Variants in ENOX1 observed in about 807,000 individuals in gnomAD.
ENOX1 encodes the protein candidate growth-related and time keeping constitutive hydroquinone (NADH) oxidase.
Under a neutral mutation model 82.5 loss-of-function variants are expected in ENOX1, and 42 were observed. That is an observed-to-expected ratio of 0.51 (90% confidence interval 0.40 to 0.66). The LOEUF (loss-of-function observed/expected upper bound fraction) is 0.66, where lower values mean the gene tolerates loss of function less well. Ranked by LOEUF, ENOX1 falls within the 30% of genes least tolerant of loss-of-function variation. The pLI is 0.00. For missense variants in ENOX1, 608 were observed against 811.6 expected, an observed-to-expected ratio of 0.75 and a Z score of 3.05; for synonymous variants, 271 against 282.2, an observed-to-expected ratio of 0.96 and a Z score of 0.40.
intron 12 of ENOX1, among the ~76,000 whole-genome samples, chr13:43,273,795 A>G (rs772260376): frequency 1.3e-5 from 2 of 152,216 alleles, no homozygotes; most frequent in Non-Finnish European, 2.9e-5. Flanking sequence ...AAGTTAGTTC[A>G]TCTATCTTCT....
rs534605687 is a variant in ENOX1, at chr13:43,481,241, T to C, written c.-75+2768A>G. 2.6e-5 allele frequency among the ~76,000 whole-genome samples: 4 copies of C among 152,168 alleles called. No individual in the cohort carries two copies. The South Asian group carries it at 6.2e-4, about 24-fold the overall frequency. On this transcript the variant is annotated intron_variant, in intron 3 of 16. Coordinates refer to ENST00000690772, the MANE Select transcript of ENOX1 (RefSeq NM_001347969.2). The stretch of plus-strand genomic sequence containing the variant: ...TATATTATATACAGAGTTTCAGTCA[T>C]GCAAGATGAAAAAATTGTAATATAT...
chr13:43,616,138 C>CTATATAGATAGATATCTATATATCTA (rs1364614503), intron 2 of ENOX1, among the ~76,000 whole-genome samples: 6 of 21,640 alleles, frequency 2.8e-4, no homozygotes, highest in Admixed American at 8.2e-4. Flanking sequence ...ATCTATCTAT[C>CTATATAGATAGATATCTATATATCTA]TAGATATCTA....
chr13:43,739,881 G>A (rs2089817904), intron 1 of ENOX1, among the ~76,000 whole-genome samples: 1 of 151,958 alleles, frequency 6.6e-6, no homozygotes, highest in Admixed American at 6.6e-5. Flanking sequence ...CCTCTCCTCA[G>A]CCTACTCAAC....
intron 1 of ENOX1, among the ~76,000 whole-genome samples, chr13:43,719,744 C>T (rs1025510501): frequency 6.6e-6 from 1 of 152,076 alleles, no homozygotes; most frequent in Non-Finnish European, 1.5e-5. Context: ...CCTGAAAAAG[C>T]TTGCCACACC....
chr13:43,322,568 G>A (rs2047876659), intron 10 of ENOX1, 67 bp from the exon 11 acceptor site: 1 of 1,280,552 alleles, frequency 7.8e-7, no homozygotes, highest in South Asian at 1.3e-5. Context: ...TGGTCTTTGG[G>A]TATATATGAC....
intron 2 of ENOX1, among the ~76,000 whole-genome samples, chr13:43,657,990 C>T (rs1809803): frequency 0.99 from 151,078 of 152,340 alleles, 74,927 homozygotes; most frequent in Middle Eastern, 1. Context: ...GAATATGAAA[C>T]GGTGGTGAAA....
chr13:43,635,492 A>C (rs1472330), intron 2 of ENOX1, among the ~76,000 whole-genome samples: 1 of 152,058 alleles, frequency 6.6e-6, no homozygotes, highest in African/African-American at 2.4e-5. Flanking sequence ...AAAAGAATAA[A>C]TGTATGACTT....
intron 1 of ENOX1, among the ~76,000 whole-genome samples, chr13:43,689,821 A>AT (rs2086261528): frequency 6.6e-6 from 1 of 151,890 alleles, no homozygotes; most frequent in Non-Finnish European, 1.5e-5. Flanking sequence ...TTTCACTTCC[A>AT]TTTTTTGCAA....
chr13:43,275,681 A>T (rs897581460), intron 12 of ENOX1, among the ~76,000 whole-genome samples: 3 of 152,180 alleles, frequency 2.0e-5, no homozygotes, highest in Admixed American at 6.5e-5. Context: ...CAATCTGCTA[A>T]TATTTATTCA....
At chr13:43,740,086 C>T (rs754969888) in intron 1 of ENOX1, among the ~76,000 whole-genome samples, 1 of 152,208 alleles carries the variant, frequency 6.6e-6, no homozygotes, top group African/African-American at 2.4e-5. Flanking sequence ...CTAACTCCCA[C>T]ATTGTTGGAA....
intron 8 of ENOX1, among the ~76,000 whole-genome samples, chr13:43,346,419 C>G (rs887144330): frequency 2.0e-5 from 3 of 152,224 alleles, no homozygotes; most frequent in Non-Finnish European, 4.4e-5. Flanking sequence ...ACCTGCCCCC[C>G]TGCCCTCACA....
At chr13:43,776,142 A>C (rs1951905036) in intron 1 of ENOX1, among the ~76,000 whole-genome samples, 1 of 152,222 alleles carries the variant, frequency 6.6e-6, no homozygotes, top group Admixed American at 6.5e-5. Context: ...GCCAACATAC[A>C]TTTAGGAGTG....
At chr13:43,689,257 A>C (rs1369711339) in intron 1 of ENOX1, among the ~76,000 whole-genome samples, 3 of 152,236 alleles carry the variant, frequency 2.0e-5, no homozygotes, top group African/African-American at 7.2e-5. Context: ...TCAAGAAGGC[A>C]TGAAAATGAA....
chr13:43,567,875 T>C (rs1396793734), intron 2 of ENOX1, among the ~76,000 whole-genome samples: 3 of 152,234 alleles, frequency 2.0e-5, no homozygotes, highest in Non-Finnish European at 2.9e-5. Context: ...TGCCTTTTCC[T>C]GGTTTCTTGT....
chr13:43,665,048 G>A (rs959292183), intron 2 of ENOX1, among the ~76,000 whole-genome samples: 1 of 152,146 alleles, frequency 6.6e-6, no homozygotes, highest in African/African-American at 2.4e-5. Flanking sequence ...CTGGAGGCCT[G>A]GGCCTGACCC....
chr13:43,684,113 A>AAAAAT (rs2085943692), intron 1 of ENOX1, among the ~76,000 whole-genome samples: 2 of 151,212 alleles, frequency 1.3e-5, no homozygotes, highest in Non-Finnish European at 3.0e-5. Context: ...AAAAAAAAAA[A>AAAAAT]TGTAACCTAC....
At chr13:43,570,016 T>G (rs1207938573) in intron 2 of ENOX1, among the ~76,000 whole-genome samples, 1 of 152,240 alleles carries the variant, frequency 6.6e-6, no homozygotes, top group African/African-American at 2.4e-5. Context: ...AGCAGGAACT[T>G]TGTCTTAATT....
chr13:43,291,020 C>T (rs1389541807), intron 12 of ENOX1, among the ~76,000 whole-genome samples: 1 of 151,908 alleles, frequency 6.6e-6, no homozygotes, highest in African/African-American at 2.4e-5. Context: ...GAGTGAGACT[C>T]CATCTCAAAA....
At chr13:43,707,663 G>A (rs184192765) in intron 1 of ENOX1, among the ~76,000 whole-genome samples, 205 of 149,530 alleles carry the variant, frequency 1.4e-3, no homozygotes, top group African/African-American at 4.9e-3. Flanking sequence ...AACCCGGGAG[G>A]TGGAGGTTAC....
Sources: allele counts gnomAD v4.1 joint callset (sites outside exome capture counted in the v4.1 genomes callset), GRCh38; gene constraint gnomAD v4.1.1; transcripts MANE v1.5; gene names NCBI Gene and HGNC (gene_info 2026-07-23, HGNC 2026-07-21).